DACH1: variants seen among roughly 807,000 people sequenced by gnomAD.
DACH1 encodes the protein dachshund homolog 1.
DACH1 carries 12 observed loss-of-function variants against 54.2 expected under a neutral mutation model. That is an observed-to-expected ratio of 0.22 (90% CI 0.14 to 0.36). The LOEUF (loss-of-function observed/expected upper bound fraction) is 0.36. Among genes scored for constraint, DACH1 ranks in the 10% least tolerant of loss-of-function variants. The pLI is 1.00. For synonymous variants in DACH1, 386 were observed against 366.2 expected (o/e 1.05, Z -0.62); for missense variants, 805 against 929.8 (o/e 0.87, Z 1.75).
At chr13:71,775,492 T>TG (rs2138047704) in intron 1 of DACH1, among the ~76,000 whole-genome samples, 1 of 152,264 alleles carries the variant, frequency 6.6e-6, no homozygotes, top group South Asian at 2.1e-4. Context: ...ATCTTTGTAT[T>TG]GGTTTTAAAG....
intron 1 of DACH1, among the ~76,000 whole-genome samples, chr13:71,706,728 C>A (rs540110190): frequency 7.2e-5 from 11 of 152,092 alleles, no homozygotes; most frequent in African/African-American, 2.7e-4. Context: ...AATATGCATT[C>A]TTATTTGAAG....
At chr13:71,762,494 C>T (rs748878306) in intron 1 of DACH1, among the ~76,000 whole-genome samples, 1 of 152,038 alleles carries the variant, frequency 6.6e-6, no homozygotes, top group Non-Finnish European at 1.5e-5. Flanking sequence ...CGTGGTGGCT[C>T]ACTTTGGGAG....
chr13:71,477,117 T>A lies in DACH1; in HGVS notation c.1871-1268A>T, dbSNP rs1169835344. Reference sequence around the variant, plus strand: ...ATATATATATATATTTTTTTTTTTTTTTTTTTTTTTTTTTTTGAGACGGAG... The same window carrying A: ...ATATATATATATATTTTTTTTTTTTATTTTTTTTTTTTTTTTGAGACGGAG... On this transcript the variant is annotated intron_variant, in intron 8 of 10. Transcript: ENST00000613252. Among the ~76,000 whole-genome samples, 28 of 112,612 alleles carry A rather than the reference T, an allele frequency of 2.5e-4. 1 individual carries two copies. The highest frequency in any genetic ancestry group is 9.3e-4 in the Admixed American group (10 of 10,776). The allele number at this position is 112,612 out of a possible 152,430, so 73.9% of individuals were successfully genotyped here. A position where few individuals can be genotyped will look rare whatever the true frequency, so the allele number is the denominator to read the frequency against.
At chr13:71,676,520 G>C (rs569253492) in intron 2 of DACH1, among the ~76,000 whole-genome samples, 1 of 152,218 alleles carries the variant, frequency 6.6e-6, no homozygotes, top group East Asian at 1.9e-4. Context: ...CCCAGCCTAG[G>C]CACAGTTTTA....
rs868553907 is a variant in DACH1, at chr13:71,592,075, G to A, written c.1127-19063C>T. On this transcript the variant is annotated intron_variant, in intron 3 of 10. Transcript: ENST00000613252. ...AGGTGTGGCTGTCCATATTACCTTT[G>A]CAGTCTTAAAAATTCTGTGTAATAT... is the stretch of plus-strand genomic sequence containing the variant. 2.8e-4 allele frequency among the ~76,000 whole-genome samples: 43 copies of A among 152,208 alleles called. No individual in the cohort carries two copies. The Middle Eastern group carries it at 0.014, about 48-fold the overall frequency.
chr13:71,503,988 G>C (rs577567373), intron 6 of DACH1, among the ~76,000 whole-genome samples: 1 of 152,224 alleles, frequency 6.6e-6, no homozygotes, highest in African/African-American at 2.4e-5. Flanking sequence ...GCGAGAAGGG[G>C]ATTCTTTAAC....
intron 1 of DACH1, among the ~76,000 whole-genome samples, chr13:71,744,513 A>T (rs1257668307): frequency 6.6e-6 from 1 of 152,212 alleles, no homozygotes; most frequent in East Asian, 1.9e-4. Flanking sequence ...GTGATGCAGT[A>T]GGGGAATTAG....
At chr13:71,635,043 A>G (rs1877374359) in intron 2 of DACH1, among the ~76,000 whole-genome samples, 1 of 152,200 alleles carries the variant, frequency 6.6e-6, no homozygotes, top group Non-Finnish European at 1.5e-5. Flanking sequence ...TTCTTCGTAT[A>G]TATATCCCAA....
chr13:71,664,455 A>C lies in DACH1; in HGVS notation c.964+17340T>G, dbSNP rs139748940. 4.9e-3 allele frequency among the ~76,000 whole-genome samples: 741 copies of C among 152,154 alleles called. 5 individuals are homozygous for C. The highest frequency in any genetic ancestry group is 0.017 in the African/African-American group (697 of 41,560). ...GCCATAAATGGTTGAAACAATCTCT[A>C]TTCCCTGTTCAATAAGATCTTGGTG... On this transcript the variant is annotated intron_variant, in intron 2 of 10. Coordinates refer to ENST00000613252, the MANE Select transcript of DACH1 (RefSeq NM_080759.6).
intron 4 of DACH1, among the ~76,000 whole-genome samples, chr13:71,569,473 TA>T (rs1885075675): frequency 6.6e-6 from 1 of 152,170 alleles, no homozygotes; most frequent in African/African-American, 2.4e-5. Context: ...TTTTTCTTTT[TA>T]TTTTTTTCCA....
intron 2 of DACH1, among the ~76,000 whole-genome samples, chr13:71,665,950 T>A (rs1879805382): frequency 6.6e-6 from 1 of 152,108 alleles, no homozygotes; most frequent in African/African-American, 2.4e-5. Flanking sequence ...CTTCATAAAT[T>A]GACACGAGAA....
chr13:71,748,940 CTTTCTTTCTTTCTCTCTTTCTT>C (rs1178182595), intron 1 of DACH1, among the ~76,000 whole-genome samples: 15 of 44,802 alleles, frequency 3.3e-4, no homozygotes, highest in African/African-American at 6.5e-4. Flanking sequence ...TTCTTTCTTT[CTTTCTTTCTTTCTCTCTTTCTT>C]TCTCTCTCTC....
rs1883997202 is a variant in DACH1 at position 71,735,271 on chromosome 13, C to CACGTATATGGATAT, written c.849-53362_849-53361insATATCCATATACGT. The stretch of plus-strand genomic sequence containing the variant: ...ATGGGATATACGTGTATATGGGATA[C>CACGTATATGGATAT]ACGTATGTATATGGGATATACACGT... On this transcript the variant is annotated intron_variant, in intron 1 of 10. Transcript: ENST00000613252. Among the ~76,000 whole-genome samples the CACGTATATGGATAT allele has an allele frequency of 1.4e-4, 7 of 49,504 alleles. 1 individual carries two copies. The highest frequency in any genetic ancestry group is 4.0e-4 in the Non-Finnish European group (6 of 14,830). 32.5% of individuals were successfully genotyped at this position (49,504 alleles called of 152,430 possible). A position where few individuals can be genotyped will look rare whatever the true frequency, so the allele number is the denominator to read the frequency against.
chr13:71,717,206 T>G (rs1054403496), intron 1 of DACH1, among the ~76,000 whole-genome samples: 2 of 152,074 alleles, frequency 1.3e-5, no homozygotes, highest in African/African-American at 4.8e-5. Context: ...CTACAAAAAA[T>G]TTTAGTTTAA....
intron 1 of DACH1, among the ~76,000 whole-genome samples, chr13:71,828,013 TTAAC>T (rs1270054768): frequency 6.6e-6 from 1 of 152,000 alleles, no homozygotes; most frequent in African/African-American, 2.4e-5. Flanking sequence ...TAGCTTTTGA[TTAAC>T]TAAGTAAAGA....
chr13:71,468,355 T>C (rs1019336430), intron 10 of DACH1, among the ~76,000 whole-genome samples: 6 of 152,150 alleles, frequency 3.9e-5, no homozygotes. Flanking sequence ...AATGACCTTT[T>C]GAGGTTAAGC....
At chr13:71,655,561 G>C (rs983463779) in intron 2 of DACH1, among the ~76,000 whole-genome samples, 2 of 151,840 alleles carry the variant, frequency 1.3e-5, no homozygotes, top group African/African-American at 4.8e-5. Context: ...AGGAGAGACA[G>C]GGTTTCTCCA....
At chr13:71,745,529 T>C (rs1219936163) in intron 1 of DACH1, among the ~76,000 whole-genome samples, 1 of 152,228 alleles carries the variant, frequency 6.6e-6, no homozygotes, top group Non-Finnish European at 1.5e-5. Flanking sequence ...AGATGAAACA[T>C]AGCTTCACAG....
At chr13:71,656,939 TATATATATATGCGCATATAAATATGCAC>T (rs1235760888) in intron 2 of DACH1, among the ~76,000 whole-genome samples, 4 of 142,038 alleles carry the variant, frequency 2.8e-5, no homozygotes, top group Non-Finnish European at 6.2e-5. Flanking sequence ...TATATATATA[TATATATATATGCGCATATAAATATGCAC>T]ATATATATGA....
Sources: gnomAD v4.1 joint callset for allele counts (sites outside exome capture counted in the v4.1 genomes callset) on GRCh38, gnomAD v4.1.1 for gene constraint, MANE v1.5 for transcripts, NCBI Gene and HGNC (gene_info 2026-07-23, HGNC 2026-07-21) for gene names.